Variants in NXPH1 observed in about 807,000 individuals in gnomAD.
NXPH1 encodes the protein neurexophilin 1.
In NXPH1, 5 loss-of-function variants were observed where a neutral mutation model predicts 23.7. That is an observed-to-expected ratio of 0.21 (90% confidence interval 0.11 to 0.44). NXPH1 has a LOEUF of 0.44. Among genes scored for constraint, NXPH1 ranks in the 20% least tolerant of loss-of-function variants. The probability of loss-of-function intolerance (pLI) is 0.99; values close to 1 mark genes in which losing one functional copy is unlikely to be tolerated. For missense variants in NXPH1, 324 were observed against 321.6 expected (o/e 1.01, Z -0.06); for synonymous variants, 144 against 122.2 (o/e 1.18, Z -1.18).
intron 2 of NXPH1, among the ~76,000 whole-genome samples, chr7:8,645,233 A>G (rs1411256088): frequency 6.6e-6 from 1 of 152,192 alleles, no homozygotes; most frequent in Admixed American, 6.5e-5. Context: ...CTTTAATTTT[A>G]TTAGATAACT....
intron 2 of NXPH1, among the ~76,000 whole-genome samples, chr7:8,671,943 GTTGT>G (rs1820874558): frequency 6.6e-6 from 1 of 152,076 alleles, no homozygotes; most frequent in South Asian, 2.1e-4. Context: ...TTTTGATGGG[GTTGT>G]TTGTTTTTTT....
At chr7:8,566,721 G>T (rs970334411) in intron 2 of NXPH1, among the ~76,000 whole-genome samples, 14 of 151,808 alleles carry the variant, frequency 9.2e-5, no homozygotes, top group Admixed American at 8.5e-4. Context: ...CTGATTTAGA[G>T]GTGTTTGGAC....
At chr7:8,468,006 G>T (rs1384938244) in intron 2 of NXPH1, among the ~76,000 whole-genome samples, 5 of 152,084 alleles carry the variant, frequency 3.3e-5, no homozygotes, top group Non-Finnish European at 7.4e-5. Flanking sequence ...GCATTTAGTT[G>T]TGAGATAAAT....
intron 2 of NXPH1, among the ~76,000 whole-genome samples, chr7:8,465,121 A>G (rs2128607422): frequency 6.6e-6 from 1 of 152,358 alleles, no homozygotes; most frequent in Admixed American, 6.5e-5. Context: ...GGACAACAGG[A>G]AAATTTATAG....
At position 8,434,936 on chromosome 7, in the gene NXPH1, C is replaced by T. The variant is rs368193207; in HGVS notation, c.-111+181C>T. ...TAGCGACCGGCTGTACCCTTTGGCT[C>T]GAAAAAAGTAGTGCTAGAGATGTGA... is the stretch of plus-strand genomic sequence containing the variant. On this transcript the variant is annotated intron_variant, in intron 1 of 2. Transcript: ENST00000405863. This position sits in a 1 kb window ranked among gnomAD's most constrained non-coding sequence, Gnocchi z 7.6. 9 of 152,074 alleles carry T rather than the reference C, an allele frequency of 5.9e-5. No individual in the cohort carries two copies. Among genetic ancestry groups the T allele is most frequent in the African/African-American group, 2.2e-4 (9 of 41,464 alleles). The allele number at this position is 152,074 out of a possible 1,614,324, so 9.4% of individuals were successfully genotyped here.
rs115494182 is a variant in NXPH1 at position 8,514,062 on chromosome 7, G to A, written c.54+78295G>A. Among the ~76,000 whole-genome samples, 664 of 152,136 alleles carry A rather than the reference G, an allele frequency of 4.4e-3. 6 individuals carry two copies. Among genetic ancestry groups the A allele is most frequent in the African/African-American group, 0.016 (646 of 41,520 alleles). ...TGTCCCAATTGTTCCTTTTTATAAA[G>A]ACATAACAGATTGGGGTCTATCCTA... On this transcript the variant is annotated intron_variant, in intron 2 of 2. Coordinates refer to ENST00000405863, the MANE Select transcript of NXPH1 (RefSeq NM_152745.3).
At chr7:8,617,563 C>A (rs1055798744) in intron 2 of NXPH1, among the ~76,000 whole-genome samples, 1 of 152,050 alleles carries the variant, frequency 6.6e-6, no homozygotes, top group African/African-American at 2.4e-5. Flanking sequence ...CACAGAAAGA[C>A]AAACCTTGCA....
chr7:8,744,401 G>T (rs1381616143), intron 2 of NXPH1, among the ~76,000 whole-genome samples: 2 of 152,024 alleles, frequency 1.3e-5, no homozygotes, highest in East Asian at 1.9e-4. Context: ...ATATGCTTTG[G>T]TTTTTTGTTT....
chr7:8,677,842 T>C (rs1820977666), intron 2 of NXPH1, among the ~76,000 whole-genome samples: 1 of 152,028 alleles, frequency 6.6e-6, no homozygotes, highest in African/African-American at 2.4e-5. Context: ...TAAAATGACT[T>C]AATAAAATAT....
In NXPH1 at chr7:8,589,945, T is replaced by C. The variant is rs958658842; in HGVS notation, c.54+154178T>C. Among the ~76,000 whole-genome samples, 14 of 152,236 alleles carry C rather than the reference T, an allele frequency of 9.2e-5. 1 individual carries two copies. The highest frequency in any genetic ancestry group is 3.4e-4 in the African/African-American group (14 of 41,562). Reference sequence around the variant, plus strand: ...CAATTCCCCAATCTCATTAGCCACATTTCAAGTGCCCAATAACCACATGGG... The same window carrying C: ...CAATTCCCCAATCTCATTAGCCACACTTCAAGTGCCCAATAACCACATGGG... On this transcript the variant is annotated intron_variant, in intron 2 of 2. Coordinates refer to ENST00000405863, the MANE Select transcript of NXPH1 (RefSeq NM_152745.3).
intron 2 of NXPH1, among the ~76,000 whole-genome samples, chr7:8,455,690 A>T (rs1221577507): frequency 1.3e-5 from 2 of 152,160 alleles, no homozygotes; most frequent in Non-Finnish European, 2.9e-5. Flanking sequence ...TTGTGAAGAC[A>T]AGTTGGGAGG....
At chr7:8,696,608 C>T (rs1183945489) in intron 2 of NXPH1, among the ~76,000 whole-genome samples, 1 of 152,038 alleles carries the variant, frequency 6.6e-6, no homozygotes, top group Non-Finnish European at 1.5e-5. Flanking sequence ...AATTTCCAGG[C>T]ATATAGTTCC....
rs77504281 is a variant in NXPH1, at chr7:8,551,516, G to T, written c.54+115749G>T. 1.4e-3 allele frequency among the ~76,000 whole-genome samples: 213 copies of T among 151,514 alleles called. 3 individuals carry two copies. The East Asian group carries it at 0.039, about 28-fold the overall frequency. On this transcript the variant is annotated intron_variant, in intron 2 of 2. Coordinates refer to ENST00000405863, the MANE Select transcript of NXPH1 (RefSeq NM_152745.3). ...ATGGTGATGAATTATATATAACGCA[G>T]AATTATCCTTTACGATTTTGGAACA...
At position 8,710,063 on chromosome 7, in the gene NXPH1, A is replaced by G. The variant is rs148411923; in HGVS notation, c.55-40945A>G. 3.9e-5 allele frequency among the ~76,000 whole-genome samples: 6 copies of G among 152,358 alleles called. No individual in the cohort carries two copies. The East Asian group carries it at 1.2e-3, about 29-fold the overall frequency. ...GTCAGAAAAGAATCTCCTTTGCCCT[A>G]TGAACAGAATTGAATAATTAGGCAG... On this transcript the variant is annotated intron_variant, in intron 2 of 2. Transcript: ENST00000405863.
intron 2 of NXPH1, among the ~76,000 whole-genome samples, chr7:8,530,675 G>A (rs1238240019): frequency 6.6e-6 from 1 of 152,208 alleles, no homozygotes; most frequent in Non-Finnish European, 1.5e-5. Context: ...CAGAGGAGAT[G>A]TTCTCAGGGG....
chr7:8,570,654 T>G (rs182503550), intron 2 of NXPH1, among the ~76,000 whole-genome samples: 158 of 152,022 alleles, frequency 1.0e-3, no homozygotes, highest in African/African-American at 3.5e-3. Flanking sequence ...GAAGGAGTTA[T>G]GCAGGCAAAG....
rs377550575 is a variant in NXPH1, at chr7:8,668,274, TGTTG to T, written c.55-82733_55-82730del. ...TCTCTTTGTTTTTTTTTTTTTATTTTGTTGTTGTTGTTGTCTTATGTTGATAACT... is the reference window on the plus strand; with the variant it reads ...TCTCTTTGTTTTTTTTTTTTTATTTTTTGTTGTTGTCTTATGTTGATAACT... On this transcript the variant is annotated intron_variant, in intron 2 of 2. Transcript: ENST00000405863. Among the ~76,000 whole-genome samples, 486 of 124,212 alleles carry T rather than the reference TGTTG, an allele frequency of 3.9e-3. 10 individuals carry two copies. Among genetic ancestry groups the T allele is most frequent in the East Asian group, 0.031 (127 of 4,034 alleles). 81.5% of individuals were successfully genotyped at this position (124,212 alleles called of 152,430 possible). A position where few individuals can be genotyped will look rare whatever the true frequency, so the allele number is the denominator to read the frequency against.
chr7:8,670,055 T>A (rs1820843368), intron 2 of NXPH1, among the ~76,000 whole-genome samples: 1 of 152,206 alleles, frequency 6.6e-6, no homozygotes. Flanking sequence ...AAACAAGTAT[T>A]GGAATTGCTC....
intron 2 of NXPH1, among the ~76,000 whole-genome samples, chr7:8,750,712 T>G (rs1168684481): frequency 1.3e-5 from 2 of 152,198 alleles, no homozygotes; most frequent in Non-Finnish European, 2.9e-5. Flanking sequence ...TATTTAGTAG[T>G]TTTTCCACCC....
Sources: allele counts gnomAD v4.1 joint callset (sites outside exome capture counted in the v4.1 genomes callset), GRCh38; gene constraint gnomAD v4.1.1; non-coding constraint Gnocchi (gnomAD v3.1); transcripts MANE v1.5; gene names NCBI Gene and HGNC (gene_info 2026-07-23, HGNC 2026-07-21).